ARMC2: variants seen among roughly 807,000 people sequenced by gnomAD.
ARMC2 encodes the protein armadillo repeat-containing protein 2.
Under a neutral mutation model 90.3 loss-of-function variants are expected in ARMC2, and 67 were observed. The ratio of observed to expected loss-of-function variants is 0.74; its 90% confidence interval spans 0.61 to 0.91. The LOEUF (loss-of-function observed/expected upper bound fraction) is 0.91. ARMC2 is among the 40% of genes least tolerant of loss of function. The probability of loss-of-function intolerance (pLI) is 0.00; values close to 1 mark genes in which losing one functional copy is unlikely to be tolerated. For missense variants in ARMC2, 920 were observed against 1,030.9 expected (o/e 0.89, Z 1.47); for synonymous variants, 393 against 393.0 (o/e 1.00, Z 0.00).
At chr6:108,949,686 C>T (rs1777044092) in intron 12 of ARMC2, among the ~76,000 whole-genome samples, 1 of 152,202 alleles carries the variant, frequency 6.6e-6, no homozygotes, top group Non-Finnish European at 1.5e-5. Flanking sequence ...CAACTCAGAG[C>T]CCAGGGCAGG....
chr6:108,926,725 C>T (rs1367196836), intron 10 of ARMC2, among the ~76,000 whole-genome samples: 3 of 137,282 alleles, frequency 2.2e-5, no homozygotes, highest in South Asian at 4.6e-4. Flanking sequence ...ACTCTGTCTC[C>T]AAAAAAAAAA....
chr6:108,920,282 C>A (rs949191516), intron 10 of ARMC2, among the ~76,000 whole-genome samples: 5 of 152,100 alleles, frequency 3.3e-5, no homozygotes, highest in Admixed American at 1.3e-4. Flanking sequence ...CTCCACCTCC[C>A]GGGTTCAAGC....
the ARMC2 span, among the ~76,000 whole-genome samples, chr6:109,000,877 A>G: frequency 1.3e-5 from 2 of 152,166 alleles, no homozygotes; most frequent in African/African-American, 4.8e-5. Flanking sequence ...AACAAACAAA[A>G]TATCTGATAA....
the ARMC2 span, among the ~76,000 whole-genome samples, chr6:109,013,718 G>C: frequency 1.3e-5 from 2 of 152,188 alleles, no homozygotes; most frequent in African/African-American, 4.8e-5. Flanking sequence ...TTAAACCAAA[G>C]AACTCCTTTA....
chr6:109,039,009 AAG>A, the ARMC2 span, among the ~76,000 whole-genome samples: 5 of 149,810 alleles, frequency 3.3e-5, no homozygotes, highest in Admixed American at 1.3e-4. Flanking sequence ...GAAAAGAAGA[AAG>A]AGAAAGAAAG....
intron 1 of ARMC2, among the ~76,000 whole-genome samples, chr6:108,849,408 A>G (rs1225112183): frequency 1.3e-5 from 2 of 152,224 alleles, no homozygotes. Flanking sequence ...CCCACCTTTT[A>G]AAAGGAGAAG....
At chr6:109,000,615 T>C in the ARMC2 span, 27 of 1,611,766 alleles carry the variant, frequency 1.7e-5, no homozygotes, top group African/African-American at 1.1e-4. Context: ...CCCACCAACA[T>C]GAAGGAAATC....
intron 4 of ARMC2, among the ~76,000 whole-genome samples, chr6:108,874,803 A>G (rs1776778893): frequency 6.6e-6 from 1 of 151,858 alleles, no homozygotes. Flanking sequence ...TAGACAGGAC[A>G]TTTAATCTTT....
At chr6:109,027,865 T>G in the ARMC2 span, among the ~76,000 whole-genome samples, 6 of 152,052 alleles carry the variant, frequency 3.9e-5, no homozygotes, top group Non-Finnish European at 8.8e-5. Context: ...TTTAAATACA[T>G]ATATATATAT....
the ARMC2 span, among the ~76,000 whole-genome samples, chr6:108,986,027 G>A: frequency 6.6e-6 from 1 of 151,990 alleles, no homozygotes; most frequent in Admixed American, 6.6e-5. Flanking sequence ...ACATTTGTAG[G>A]CAGGCACTAG....
chr6:108,931,763 GC>G (rs944876547), intron 11 of ARMC2, among the ~76,000 whole-genome samples: 2 of 150,494 alleles, frequency 1.3e-5, no homozygotes, highest in African/African-American at 2.5e-5. Context: ...CATGTTCTTT[GC>G]CCACTTTTTT....
At chr6:109,012,802 C>A in the ARMC2 span, among the ~76,000 whole-genome samples, 1 of 151,872 alleles carries the variant, frequency 6.6e-6, no homozygotes, top group Non-Finnish European at 1.5e-5. Context: ...AGGAGAGTAA[C>A]GGAAGGAGTT....
At chr6:108,915,821 G>C (rs1369842922) in intron 10 of ARMC2, among the ~76,000 whole-genome samples, 1 of 152,134 alleles carries the variant, frequency 6.6e-6, no homozygotes, top group Non-Finnish European at 1.5e-5. Context: ...TGAGTGCATG[G>C]GGGGACGAGA....
In ARMC2 at chr6:108,928,182, AACAGT is replaced by A; in HGVS notation, c.1449_1453del (p.Tyr484GlyfsTer2). 6.2e-7 allele frequency: 1 copy of A among 1,612,934 alleles called. No homozygotes were observed. Among genetic ancestry groups the A allele is most frequent in the Non-Finnish European group, 8.5e-7 (1 of 1,179,548 alleles). The stretch of plus-strand genomic sequence containing the variant: ...CTTCCCCAGCTCTGCACGGCAATGG[AACAGT>A]ACAAGGGTGACAAGGACGTCTGTAC... On this transcript the variant is annotated frameshift_variant, in exon 11 of 18. Transcript: ENST00000392644. LOFTEE classifies it high-confidence loss of function.
At chr6:109,045,836 G>A in the ARMC2 span, among the ~76,000 whole-genome samples, 1 of 152,234 alleles carries the variant, frequency 6.6e-6, no homozygotes, top group Admixed American at 6.5e-5. Flanking sequence ...TGTTTCTCCA[G>A]TGTCTGGCAT....
chr6:108,932,516 C>CTTTTTTTTTTTTTTTTTTTTTTTTTTTTT, intron 11 of ARMC2, among the ~76,000 whole-genome samples: 1 of 77,894 alleles, frequency 1.3e-5, no homozygotes, highest in Non-Finnish European at 2.1e-5. Context: ...TTCTCCATTG[C>CTTTTTTTTTTTTTTTTTTTTTTTTTTTTT]TTTTTTTTTT....
In ARMC2 at chr6:108,890,189, C is replaced by CAAAAAAAAA; in HGVS notation, c.672-4246_672-4238dup. ...TGGGTGACAGAGCGAGACTCCGTCT[C>CAAAAAAAAA]AAAAAAAAAAAAAAAAAAAAAAAAA... On this transcript the variant is annotated intron_variant, in intron 5 of 17. Coordinates refer to ENST00000392644, the MANE Select transcript of ARMC2 (RefSeq NM_032131.6). 1.3e-3 allele frequency among the ~76,000 whole-genome samples: 84 copies of CAAAAAAAAA among 64,238 alleles called. 4 individuals carry two copies. The highest frequency in any genetic ancestry group is 1.6e-3 in the Non-Finnish European group (62 of 38,996). 42.1% of individuals were successfully genotyped at this position (64,238 alleles called of 152,430 possible).
chr6:108,873,395 G>C (rs1776622260), intron 4 of ARMC2, among the ~76,000 whole-genome samples: 1 of 152,152 alleles, frequency 6.6e-6, no homozygotes, highest in Non-Finnish European at 1.5e-5. Flanking sequence ...GCTGTGTTGT[G>C]ATCCAGCCCC....
At chr6:109,020,391 T>A in the ARMC2 span, among the ~76,000 whole-genome samples, 46 of 152,320 alleles carry the variant, frequency 3.0e-4, no homozygotes, top group Non-Finnish European at 4.0e-4. Flanking sequence ...ATAGTGTATT[T>A]TTAGTTAAAA....
Sources: allele counts gnomAD v4.1 joint callset (sites outside exome capture counted in the v4.1 genomes callset), GRCh38; gene constraint gnomAD v4.1.1; transcripts MANE v1.5; gene names NCBI Gene and HGNC (gene_info 2026-07-23, HGNC 2026-07-21).